Variants in ARL15 observed in about 807,000 individuals in gnomAD.
ARL15 encodes ARF like GTPase 15.
Under a neutral mutation model 25.2 loss-of-function variants are expected in ARL15, and 19 were observed. The observed-to-expected ratio is 0.75, with a 90% CI of 0.53 to 1.10. ARL15 has a LOEUF of 1.10. Among genes scored for constraint, ARL15 ranks in the 50% least tolerant of loss-of-function variants. The probability of loss-of-function intolerance (pLI) is 0.00; values close to 1 mark genes in which losing one functional copy is unlikely to be tolerated. For missense variants in ARL15, 220 were observed against 246.0 expected (o/e 0.89, Z 0.71); for synonymous variants, 94 against 86.8 (o/e 1.08, Z -0.46).
chr5:54,023,955 T>C (rs255752), intron 4 of ARL15, among the ~76,000 whole-genome samples: 23,359 of 152,124 alleles, frequency 0.15, 2,107 homozygotes, highest in East Asian at 0.45. Context: ...TAAAAATCAT[T>C]TACTACTCTC....
intron 4 of ARL15, chr5:53,887,326 A>C (rs1471895120): frequency 1.4e-6 from 1 of 698,732 alleles, no homozygotes; most frequent in Non-Finnish European, 2.6e-6. Flanking sequence ...ACTTACATAA[A>C]TTTACATATA....
chr5:54,030,227 T>C (rs1401012157), intron 4 of ARL15, among the ~76,000 whole-genome samples: 1 of 152,040 alleles, frequency 6.6e-6, no homozygotes, highest in Non-Finnish European at 1.5e-5. Flanking sequence ...GTACCTGCTA[T>C]ACGACAAGCA....
chr5:54,236,590 C>G (rs1019516114), intron 1 of ARL15, among the ~76,000 whole-genome samples: 11 of 152,288 alleles, frequency 7.2e-5, no homozygotes, highest in African/African-American at 2.6e-4. Flanking sequence ...AAGTCAACAA[C>G]TTAGGTAGAT....
intron 4 of ARL15, among the ~76,000 whole-genome samples, chr5:54,045,246 C>A (rs187711884): frequency 8.5e-5 from 13 of 152,254 alleles, no homozygotes; most frequent in Admixed American, 5.9e-4. Context: ...CACAATTGGG[C>A]CACCATTTGT....
intron 4 of ARL15, among the ~76,000 whole-genome samples, chr5:54,054,342 A>G (rs1300611030): frequency 4.6e-5 from 7 of 152,264 alleles, no homozygotes; most frequent in Non-Finnish European, 1.0e-4. Context: ...TGGATTATGT[A>G]TAAGAAAATT....
chr5:54,093,294 C>T (rs1752187604), intron 4 of ARL15, among the ~76,000 whole-genome samples: 1 of 152,142 alleles, frequency 6.6e-6, no homozygotes, highest in African/African-American at 2.4e-5. Context: ...TGGCATTGAG[C>T]CAAATGCCTA....
intron 4 of ARL15, among the ~76,000 whole-genome samples, chr5:54,063,936 A>G (rs1380480954): frequency 6.6e-6 from 1 of 152,094 alleles, no homozygotes; most frequent in Non-Finnish European, 1.5e-5. Flanking sequence ...CAGCATTCCC[A>G]CTCTGACCAC....
intron 1 of ARL15, among the ~76,000 whole-genome samples, chr5:54,260,840 A>G (rs549991584): frequency 2.0e-5 from 3 of 152,294 alleles, no homozygotes; most frequent in African/African-American, 7.2e-5. Flanking sequence ...TCATATCAGC[A>G]CTTACATTCC....
At chr5:53,965,624 C>CTTT (rs755943456) in intron 4 of ARL15, among the ~76,000 whole-genome samples, 1 of 142,228 alleles carries the variant, frequency 7.0e-6, no homozygotes, top group Admixed American at 7.0e-5. Context: ...TTCTGTTTTT[C>CTTT]TTTTTTTTTT....
At chr5:54,059,676 A>C (rs945297275) in intron 4 of ARL15, among the ~76,000 whole-genome samples, 2 of 152,232 alleles carry the variant, frequency 1.3e-5, no homozygotes, top group Non-Finnish European at 2.9e-5. Context: ...GGATGATTAA[A>C]GGACACTTTG....
intron 1 of ARL15, among the ~76,000 whole-genome samples, chr5:54,198,873 A>T (rs1755633310): frequency 6.6e-6 from 1 of 152,190 alleles, no homozygotes; most frequent in South Asian, 2.1e-4. Flanking sequence ...AGCTGGAGGC[A>T]TCACGCTATC....
chr5:54,287,703 T>A (rs975192540), intron 1 of ARL15, among the ~76,000 whole-genome samples: 15 of 152,186 alleles, frequency 9.9e-5, no homozygotes, highest in Admixed American at 7.9e-4. Flanking sequence ...GACTTATCTC[T>A]AACTCCCTGC....
chr5:53,914,029 CCTT>C (rs1233605595), intron 4 of ARL15, among the ~76,000 whole-genome samples: 1 of 152,108 alleles, frequency 6.6e-6, no homozygotes, highest in Admixed American at 6.6e-5. Flanking sequence ...TCTTCTTCCT[CCTT>C]ATCTCCTTTT....
chr5:54,249,026 G>T (rs1222385416), intron 1 of ARL15, among the ~76,000 whole-genome samples: 2 of 151,958 alleles, frequency 1.3e-5, no homozygotes, highest in Non-Finnish European at 2.9e-5. Context: ...ACTGCAGTGA[G>T]ACCCTGTCTC....
intron 4 of ARL15, among the ~76,000 whole-genome samples, chr5:54,001,457 A>G (rs1251009899): frequency 6.6e-6 from 1 of 152,204 alleles, no homozygotes; most frequent in Non-Finnish European, 1.5e-5. Flanking sequence ...TTCAAAATCT[A>G]TCTGGTTTCC....
chr5:54,029,028 A>AC (rs1248584286), intron 4 of ARL15, among the ~76,000 whole-genome samples: 12 of 143,886 alleles, frequency 8.3e-5, no homozygotes, highest in African/African-American at 2.8e-4. Context: ...ACCTCTGTCT[A>AC]AAAAAAAAAA....
At chr5:54,188,930 A>AT (rs938818717) in intron 1 of ARL15, among the ~76,000 whole-genome samples, 3 of 152,086 alleles carry the variant, frequency 2.0e-5, no homozygotes, top group South Asian at 2.1e-4. Flanking sequence ...CAAGCTAACC[A>AT]TTTTTTTTGT....
chr5:54,131,346 A>C (rs1477827317), intron 3 of ARL15, among the ~76,000 whole-genome samples: 1 of 151,590 alleles, frequency 6.6e-6, no homozygotes, highest in Non-Finnish European at 1.5e-5. Flanking sequence ...TTCCCCTTAC[A>C]CCCTTCATGC....
At chr5:54,126,792 T>C (rs1268071541) in intron 3 of ARL15, among the ~76,000 whole-genome samples, 2 of 152,208 alleles carry the variant, frequency 1.3e-5, no homozygotes, top group African/African-American at 4.8e-5. Flanking sequence ...AGCCTCCAGA[T>C]CTTGAGCTAA....
Sources: allele counts gnomAD v4.1 joint callset (sites outside exome capture counted in the v4.1 genomes callset), GRCh38; gene constraint gnomAD v4.1.1; transcripts MANE v1.5; gene names NCBI Gene and HGNC (gene_info 2026-07-23, HGNC 2026-07-21).